Variants in IQSEC3 observed in about 807,000 individuals in gnomAD.
IQSEC3 encodes IQ motif and SEC7 domain-containing protein 3.
In IQSEC3, 50 loss-of-function variants were observed where a neutral mutation model predicts 105.4. That is an observed-to-expected ratio of 0.47 (90% CI 0.38 to 0.60). IQSEC3 has a LOEUF of 0.60. Among genes scored for constraint, IQSEC3 ranks in the 20% least tolerant of loss-of-function variants. The pLI is 0.00. For synonymous variants in IQSEC3, 708 were observed against 746.0 expected (o/e 0.95, Z 0.83); for missense variants, 1,415 against 1,630.0 (o/e 0.87, Z 2.27).
At chr12:107,669 C>G (rs1387033985) in intron 2 of IQSEC3, among the ~76,000 whole-genome samples, 2 of 152,074 alleles carry the variant, frequency 1.3e-5, no homozygotes, top group African/African-American at 4.8e-5. Flanking sequence ...CTCGGCCTCC[C>G]AAAGTGCTGG....
intron 1 of IQSEC3, among the ~76,000 whole-genome samples, chr12:71,356 G>A (rs1334824150): frequency 2.0e-5 from 3 of 152,274 alleles, no homozygotes; most frequent in Non-Finnish European, 2.9e-5. Flanking sequence ...TCAGTGCTGT[G>A]GAAAGATTGG....
rs202011158 is a variant in IQSEC3 at position 107,216 on chromosome 12, T to A, written c.623+8002T>A. ...CCAGGCCAAATCTGGGTATAATTTG[T>A]TCTAAGATTATTTTGACCACATCCC... On this transcript the variant is annotated intron_variant, in intron 2 of 13. Coordinates refer to ENST00000538872, the MANE Select transcript of IQSEC3 (RefSeq NM_001170738.2). Among the ~76,000 whole-genome samples, 20 of 152,264 alleles carry A rather than the reference T, an allele frequency of 1.3e-4. No homozygotes were observed. In the East Asian group the frequency reaches 2.1e-3, roughly 16 times the overall value.
chr12:103,265 AT>A (rs1321900314), intron 2 of IQSEC3, among the ~76,000 whole-genome samples: 3 of 150,774 alleles, frequency 2.0e-5, no homozygotes, highest in Admixed American at 2.0e-4. Flanking sequence ...AAGGGTGATA[AT>A]GGGGCCAAGA....
intron 5 of IQSEC3, among the ~76,000 whole-genome samples, chr12:155,642 T>C (rs1185054824): frequency 1.3e-5 from 2 of 152,112 alleles, no homozygotes; most frequent in African/African-American, 4.8e-5. Flanking sequence ...CTCCAAGTCT[T>C]CTAGGCAGTG....
At chr12:76,029 C>T (rs1722399699) in intron 1 of IQSEC3, among the ~76,000 whole-genome samples, 1 of 152,210 alleles carries the variant, frequency 6.6e-6, no homozygotes, top group Non-Finnish European at 1.5e-5. Flanking sequence ...CAGCCTCTGA[C>T]CACTCTGTCA....
chr12:165,093 G>C (rs1476509671), intron 9 of IQSEC3, among the ~76,000 whole-genome samples: 1 of 152,208 alleles, frequency 6.6e-6, no homozygotes, highest in Non-Finnish European at 1.5e-5. Flanking sequence ...TATGCGAGGG[G>C]CCCACAGTGG....
rs758733505 is a variant in IQSEC3 at position 174,995 on chromosome 12, G to A, written c.3511G>A (p.Gly1171Arg). The A allele has an allele frequency of 4.9e-5, 71 of 1,457,188 alleles. No homozygotes were observed. Among genetic ancestry groups the A allele is most frequent in the Non-Finnish European group, 6.2e-5 (68 of 1,101,330 alleles). 90.3% of individuals were successfully genotyped at this position (1,457,188 alleles called of 1,614,324 possible). A position where few individuals can be genotyped will look rare whatever the true frequency, so the allele number is the denominator to read the frequency against. Residue 1171 changes from glycine (G) to arginine (R), a missense_variant, in exon 14 of 14, where the codon GGG becomes AGG. This residue lies in a region of IQSEC3 where 419 missense variants were observed against 436.2 expected (regional missense o/e 0.96). Transcript: ENST00000538872. Reference protein sequence around the residue: ...QFCPPGSLLHGHRYSSGSRSL... With the variant: ...QFCPPGSLLHRHRYSSGSRSL... ...CTGTCCCCCAGGCTCCCTGCTGCAC[G>A]GGCACCGCTACTCCAGTGGCTCAAG...
rs1457963573 is a variant in IQSEC3 at position 68,272 on chromosome 12, A to G, written c.554+836A>G. ...CATACAGGGTGTTTGGCCGTTGTTG[A>G]AAGGGAGCAATGACATGGGGGACAG... On this transcript the variant is annotated intron_variant, in intron 1 of 13. Transcript: ENST00000538872. 5.3e-5 allele frequency among the ~76,000 whole-genome samples: 8 copies of G among 152,060 alleles called. No homozygotes were observed. In the East Asian group the frequency reaches 1.5e-3, roughly 29 times the overall value.
At chr12:163,057 G>C (rs1403093740) in intron 8 of IQSEC3, among the ~76,000 whole-genome samples, 1 of 152,064 alleles carries the variant, frequency 6.6e-6, no homozygotes, top group Non-Finnish European at 1.5e-5. Context: ...CTGGGACAGG[G>C]GGTGAACGTG....
At chr12:162,619 C>T (rs551338382) in intron 8 of IQSEC3, among the ~76,000 whole-genome samples, 8 of 152,244 alleles carry the variant, frequency 5.3e-5, no homozygotes, top group South Asian at 4.1e-4. Context: ...CCTCAGGGGA[C>T]GGTGTGGGAG....
intron 1 of IQSEC3, among the ~76,000 whole-genome samples, chr12:85,663 G>A (rs562740825): frequency 2.4e-4 from 36 of 152,304 alleles, no homozygotes; most frequent in African/African-American, 8.7e-4. Flanking sequence ...GGGCCTCCTG[G>A]CATGCTCAAG....
chr12:85,938 C>A (rs984582980), intron 1 of IQSEC3, among the ~76,000 whole-genome samples: 1 of 152,184 alleles, frequency 6.6e-6, no homozygotes, highest in Non-Finnish European at 1.5e-5. Context: ...CTCTCCAGCA[C>A]CCTTAGGAAT....
chr12:119,903 C>T (rs1305663738), intron 2 of IQSEC3, among the ~76,000 whole-genome samples: 1 of 152,228 alleles, frequency 6.6e-6, no homozygotes, highest in African/African-American at 2.4e-5. Context: ...CTCCCAGCAG[C>T]TGAGCGAGAA....
At chr12:95,489 C>T (rs1357133399) in intron 1 of IQSEC3, among the ~76,000 whole-genome samples, 1 of 152,128 alleles carries the variant, frequency 6.6e-6, no homozygotes, top group Non-Finnish European at 1.5e-5. Context: ...AATGGATTTA[C>T]GGTAATATCA....
chr12:140,199 G>C (rs1865960383), intron 4 of IQSEC3: 6 of 152,192 alleles, frequency 3.9e-5, no homozygotes, highest in Admixed American at 3.9e-4. Flanking sequence ...GGCCTCAAGA[G>C]GCTCCTATTC....
Position 138,926 on chromosome 12 carries a change from G to C in IQSEC3, c.1563G>C (p.Glu521Asp), listed in dbSNP as rs782557985. 2.5e-6 allele frequency: 4 copies of C among 1,596,342 alleles called. No individual in the cohort carries two copies. In the East Asian group the frequency reaches 9.1e-5, roughly 36 times the overall value. ...CTCAGACGGTCCAGGCCCCCGCAGA[G>C]CCCGCGGCGGGCAAGGCCGAGCAGG... ...LGAQTVQAPA[E>D]PAAGKAEQGE... The change falls in exon 4 of 14, where the codon GAG becomes GAC. Residue 521 changes from glutamate (E) to aspartate (D), a missense_variant. Physicochemically the swap from Glu to Asp is conservative, Grantham distance 45. Transcript: ENST00000538872. This position sits in a 1 kb window ranked among gnomAD's most constrained non-coding sequence, Gnocchi z 7.1.
chr12:90,247 A>G (rs1172575574), intron 1 of IQSEC3, among the ~76,000 whole-genome samples: 2 of 152,200 alleles, frequency 1.3e-5, no homozygotes, highest in African/African-American at 4.8e-5. Context: ...AATCTCTTGT[A>G]CATTTTCCTA....
At chr12:106,114 T>C (rs1417237401) in intron 2 of IQSEC3, among the ~76,000 whole-genome samples, 4 of 152,250 alleles carry the variant, frequency 2.6e-5, no homozygotes, top group Admixed American at 6.5e-5. Context: ...GCAAGAATTA[T>C]CTTGTTTAAC....
At chr12:84,916 G>A (rs1555071648) in intron 1 of IQSEC3, among the ~76,000 whole-genome samples, 1 of 152,198 alleles carries the variant, frequency 6.6e-6, no homozygotes, top group African/African-American at 2.4e-5. Flanking sequence ...CTCTGCAGAT[G>A]CCTGGGGTCA....
Sources: gnomAD v4.1 joint callset for allele counts (sites outside exome capture counted in the v4.1 genomes callset) on GRCh38, gnomAD v4.1.1 for gene constraint, gnomAD v4.1.1 regional missense constraint, Gnocchi (gnomAD v3.1) non-coding constraint, MANE v1.5 for transcripts, NCBI Gene and HGNC (gene_info 2026-07-23, HGNC 2026-07-21) for gene names.